RNF166: variants seen among roughly 807,000 people sequenced by gnomAD.
The protein encoded by RNF166 is E3 ubiquitin-protein ligase RNF166.
Under a neutral mutation model 29.4 loss-of-function variants are expected in RNF166, and 19 were observed. The observed-to-expected ratio is 0.65, with a 90% CI of 0.45 to 0.95. The LOEUF is 0.95. RNF166 is among the 40% of genes least tolerant of loss of function. The pLI is 0.00. For missense variants in RNF166, 347 were observed against 322.1 expected (o/e 1.08, Z -0.59); for synonymous variants, 171 against 134.5 (o/e 1.27, Z -1.88).
At chr16:88,702,614 A>G (rs544487850) in intron 1 of RNF166, among the ~76,000 whole-genome samples, 172 of 152,306 alleles carry the variant, frequency 1.1e-3, no homozygotes, top group African/African-American at 3.8e-3. Context: ...GCTGTCCCCC[A>G]GGCCCTCTTT....
Position 88,701,411 on chromosome 16 carries a change from C to A in RNF166, c.163G>T (p.Gly55Trp). The A allele has an allele frequency of 6.3e-7, 1 of 1,594,602 alleles. No homozygotes were observed. ...TGCAGGCAGGGCTGGAGACACTCCC[C>A]GCAGAACCTGCAGGGCACAGGGGCC... ...AIGSCGHTFC[G>W]ECLQPCLQVP... Residue 55 changes from glycine to tryptophan, a missense_variant, in exon 2 of 6, where the codon GGG (glycine) becomes TGG (tryptophan). Coordinates refer to ENST00000312838, the MANE Select transcript of RNF166 (RefSeq NM_178841.4).
chr16:88,704,739 C>G lies in RNF166; in HGVS notation c.155+1432G>C, dbSNP rs942317608. 4.6e-5 allele frequency among the ~76,000 whole-genome samples: 7 copies of G among 152,228 alleles called. No homozygotes were observed. In the South Asian group the frequency reaches 1.4e-3, roughly 31 times the overall value. Reference sequence around the variant, plus strand: ...GCGCGGTGGCTCACGCCTGTCATCCCAGCACTTTGGGAGGCTGAGACGGGC... The same window carrying G: ...GCGCGGTGGCTCACGCCTGTCATCCGAGCACTTTGGGAGGCTGAGACGGGC... On this transcript the variant is annotated intron_variant, in intron 1 of 5. Transcript: ENST00000312838.
Position 88,698,522 on chromosome 16 carries a change from A to G in RNF166, c.628T>C (p.Phe210Leu). 1.3e-6 allele frequency: 2 copies of G among 1,572,078 alleles called. No homozygotes were observed. The highest frequency in any genetic ancestry group is 1.7e-6 in the Non-Finnish European group (2 of 1,158,384). Reference sequence around the variant, plus strand: ...CCTACCACAAAGGTGTCGTAGGAGAACTTGTGTCGGTGAAGCAGGTGCTGC... The same window carrying G: ...CCTACCACAAAGGTGTCGTAGGAGAGCTTGTGTCGGTGAAGCAGGTGCTGC... The part of the protein sequence containing the change: ...FLQHLLHRHK[F>L]SYDTFVDYSI... Residue 210 changes from phenylalanine (F) to leucine (L), a missense_variant, in exon 5 of 6, where the codon TTC becomes CTC. Physicochemically the swap from Phe to Leu is conservative, Grantham distance 22 (BLOSUM62 0). Transcript: ENST00000312838.
rs773314285 is a variant in RNF166, at chr16:88,697,919, C to G, written c.649-286G>C. 1.9e-4 allele frequency: 93 copies of G among 485,434 alleles called. 1 individual carries two copies. Among genetic ancestry groups the G allele is most frequent in the Non-Finnish European group, 2.9e-4 (77 of 269,158 alleles). 30.1% of individuals were successfully genotyped at this position (485,434 alleles called of 1,614,324 possible). The stretch of plus-strand genomic sequence containing the variant: ...GGGGTTTCCGAGGTGAGCAGGCCGG[C>G]CAGGGCTCCCTGACCTCTAACAATT... On this transcript the variant is annotated intron_variant, in intron 5 of 5. Transcript: ENST00000312838.
In RNF166 at chr16:88,697,416, C is replaced by G. The variant is rs1958851995; in HGVS notation, c.*152G>C. The G allele has an allele frequency of 1.7e-6, 1 of 597,850 alleles. No individual in the cohort carries two copies. The allele number at this position is 597,850 out of a possible 1,614,324, so 37.0% of individuals were successfully genotyped here. On this transcript the variant is annotated 3_prime_UTR_variant, in exon 6 of 6. Coordinates refer to ENST00000312838, the MANE Select transcript of RNF166 (RefSeq NM_178841.4). The stretch of plus-strand genomic sequence containing the variant: ...CTCGGCGGCTGGCCCGTATTCAGGC[C>G]CGGAGGCTCGGCCCCGGCTCCCCTT...
chr16:88,699,150 T>A, intron 3 of RNF166, 65 bp from the exon 4 acceptor site: 1 of 1,149,512 alleles, frequency 8.7e-7, no homozygotes, highest in Non-Finnish European at 1.3e-6. Flanking sequence ...TCCCCGCTTC[T>A]CTCAAACACA....
rs1910184027 is a variant in RNF166 at position 88,701,172 on chromosome 16, G to A, written c.312+90C>T. 4.0e-6 allele frequency: 6 copies of A among 1,516,156 alleles called. No individual in the cohort carries two copies. The East Asian group carries it at 1.1e-4, about 29-fold the overall frequency. 93.9% of individuals were successfully genotyped at this position (1,516,156 alleles called of 1,614,324 possible). ...GCGATTACTCAACAGGAAAGAGAGA[G>A]GGCCCCGGCCCCCACCCTCTGCAGA... On this transcript the variant is annotated intron_variant, in intron 2 of 5. Transcript: ENST00000312838.
chr16:88,700,065 C>T (rs1303084220), intron 2 of RNF166: 1 of 187,402 alleles, frequency 5.3e-6, no homozygotes, highest in African/African-American at 2.4e-5. Context: ...GTGGAGGCCA[C>T]TCAGAAATGC....
At position 88,696,918 on chromosome 16, in the gene RNF166, T is replaced by C. The variant is rs2142962623; in HGVS notation, c.*650A>G. On this transcript the variant is annotated 3_prime_UTR_variant, in exon 6 of 6. Transcript: ENST00000312838. ...GGCAGCTGCCCCACTGCTCCTTCCATCCTTGCCCCAATCCCCCAATGCTTG... is the reference window on the plus strand; with the variant it reads ...GGCAGCTGCCCCACTGCTCCTTCCACCCTTGCCCCAATCCCCCAATGCTTG... 4.6e-6 allele frequency: 1 copy of C among 218,698 alleles called. No individual in the cohort carries two copies. The highest frequency in any genetic ancestry group is 5.3e-5 in the South Asian group (1 of 19,030). The allele number at this position is 218,698 out of a possible 1,614,324, so 13.5% of individuals were successfully genotyped here.
At chr16:88,699,380 C>T (rs928258360) in intron 3 of RNF166, among the ~76,000 whole-genome samples, 2 of 152,246 alleles carry the variant, frequency 1.3e-5, no homozygotes, top group African/African-American at 4.8e-5. Flanking sequence ...GTGGGCCCGG[C>T]CTGCGCCCTC....
chr16:88,698,224 C>T (rs903724380), intron 5 of RNF166: 6 of 631,998 alleles, frequency 9.5e-6, no homozygotes, highest in Admixed American at 5.1e-5. Context: ...GGCTCACCCT[C>T]GAGGGGTTCT....
chr16:88,702,808 T>A (rs1334886168), intron 1 of RNF166: 13 of 985,366 alleles, frequency 1.3e-5, no homozygotes, highest in Non-Finnish European at 1.6e-5. Flanking sequence ...CCAGCAGATA[T>A]TTCCAGGGTC....
intron 5 of RNF166, 123 bp from the exon 6 acceptor site, chr16:88,697,756 A>G: frequency 1.4e-6 from 1 of 699,442 alleles, no homozygotes; most frequent in East Asian, 2.8e-5. Context: ...CACAGGAAGG[A>G]CCCAGCTCCA....
At position 88,697,439 on chromosome 16, in the gene RNF166, C is replaced by A. The variant is rs1398027879; in HGVS notation, c.*129G>T. 3.6e-5 allele frequency: 25 copies of A among 685,284 alleles called. No individual in the cohort carries two copies. In the East Asian group the frequency reaches 6.7e-4, roughly 18 times the overall value. 42.5% of individuals were successfully genotyped at this position (685,284 alleles called of 1,614,324 possible). ...GCCCGGAGGCTCGGCCCCGGCTCCC[C>A]TTCTGCGCGGGTGCAGGCTCCTCCT... On this transcript the variant is annotated 3_prime_UTR_variant, in exon 6 of 6. Coordinates refer to ENST00000312838, the MANE Select transcript of RNF166 (RefSeq NM_178841.4).
chr16:88,704,508 G>T (rs1910569911), intron 1 of RNF166: 2 of 985,432 alleles, frequency 2.0e-6, no homozygotes, highest in Non-Finnish European at 2.4e-6. Context: ...ATTTGAAAAA[G>T]AAGGGCAAAG....
intron 2 of RNF166, 68 bp from the exon 3 acceptor site, chr16:88,699,800 G>A: frequency 1.8e-6 from 2 of 1,119,322 alleles, no homozygotes; most frequent in Non-Finnish European, 2.6e-6. Context: ...GGGAGGCCGA[G>A]ACCTCAGGTG....
intron 2 of RNF166, chr16:88,699,945 T>A: frequency 2.2e-6 from 1 of 451,638 alleles, no homozygotes; most frequent in Admixed American, 4.0e-5. Context: ...TGCAGGACAA[T>A]CTGGCCGAGG....
rs978211797 is a variant in RNF166 at position 88,706,336 on chromosome 16, G to GGCCCGCGCC, written c.-20_-12dup. 2.5e-6 allele frequency: 3 copies of GGCCCGCGCC among 1,214,802 alleles called. No homozygotes were observed. The highest frequency in any genetic ancestry group is 3.1e-6 in the Non-Finnish European group (3 of 977,186). 75.3% of individuals were successfully genotyped at this position (1,214,802 alleles called of 1,614,324 possible). A position where few individuals can be genotyped will look rare whatever the true frequency, so the allele number is the denominator to read the frequency against. ...GCGGAACATAGCCATCCCGGGGCCAGGCCCGCGCCGCCCGCCGCCCGCTGT... is the reference window on the plus strand; with the variant it reads ...GCGGAACATAGCCATCCCGGGGCCAGGCCCGCGCCGCCCGCGCCGCCCGCCGCCCGCTGT... On this transcript the variant is annotated 5_prime_UTR_variant, in exon 1 of 6. Coordinates refer to ENST00000312838, the MANE Select transcript of RNF166 (RefSeq NM_178841.4).
At chr16:88,704,271 G>C (rs1017819108) in intron 1 of RNF166, 2 of 985,470 alleles carry the variant, frequency 2.0e-6, no homozygotes, top group African/African-American at 1.7e-5. Flanking sequence ...GTTAGAAGCA[G>C]AGAGAGAACA....
Sources: allele counts gnomAD v4.1 joint callset (sites outside exome capture counted in the v4.1 genomes callset), GRCh38; gene constraint gnomAD v4.1.1; transcripts MANE v1.5; gene names NCBI Gene and HGNC (gene_info 2026-07-23, HGNC 2026-07-21).